KIAA0319L: variants seen among roughly 807,000 people sequenced by gnomAD.
The protein encoded by KIAA0319L is dyslexia-associated protein KIAA0319-like protein.
In KIAA0319L, 55 loss-of-function variants were observed where a neutral mutation model predicts 120.1. That is an observed-to-expected ratio of 0.46 (90% CI 0.37 to 0.57). KIAA0319L has a LOEUF of 0.57. Ranked by LOEUF, KIAA0319L falls within the 20% of genes least tolerant of loss-of-function variation. The pLI, the probability that KIAA0319L is intolerant of heterozygous loss-of-function variation, is 0.00. For missense variants in KIAA0319L, 1,049 were observed against 1,255.3 expected, an observed-to-expected ratio of 0.84 and a Z score of 2.48; for synonymous variants, 398 against 471.9, an observed-to-expected ratio of 0.84 and a Z score of 2.03.
intron 6 of KIAA0319L, 117 bp from the exon 7 acceptor site, chr1:35,466,812 C>A: frequency 1.3e-6 from 1 of 745,658 alleles, no homozygotes; most frequent in Non-Finnish European, 2.2e-6. Context: ...CCCCTATTTC[C>A]AAAATGGAAA....
chr1:35,435,016 C>T lies in KIAA0319L; in HGVS notation c.3028G>A (p.Asp1010Asn), dbSNP rs750623856. 4.3e-6 allele frequency: 7 copies of T among 1,614,196 alleles called. No homozygotes were observed. The highest frequency in any genetic ancestry group is 1.1e-5 in the South Asian group (1 of 91,080). ...LMHSESELDSDDAIFTWPDRE... is the reference protein window; with the variant it reads ...LMHSESELDSNDAIFTWPDRE... The stretch of plus-strand genomic sequence containing the variant: ...TCTGGCCATGTAAAGATGGCATCAT[C>T]GCTGTCCAGCTCTGACTCGGAGTGC... Residue 1010 changes from aspartate (D) to asparagine (N), a missense_variant, in exon 21 of 21, where the codon GAT (aspartate) becomes AAT (asparagine). Transcript: ENST00000325722.
chr1:35,535,689 G>A (rs531032474), intron 2 of KIAA0319L, among the ~76,000 whole-genome samples: 48 of 152,218 alleles, frequency 3.2e-4, no homozygotes, highest in Admixed American at 2.4e-3. Flanking sequence ...TGTTGTTGTT[G>A]TTATACTTCA....
chr1:35,517,417 C>T (rs374414845), intron 2 of KIAA0319L, among the ~76,000 whole-genome samples: 2 of 152,190 alleles, frequency 1.3e-5, no homozygotes, highest in Middle Eastern at 3.4e-3. Flanking sequence ...CACACACCTA[C>T]GAACATCTGA....
chr1:35,536,462 C>T (rs1337483049), intron 2 of KIAA0319L, among the ~76,000 whole-genome samples: 1 of 152,200 alleles, frequency 6.6e-6, no homozygotes, highest in African/African-American at 2.4e-5. Context: ...CTTCCCAGTT[C>T]ACCTAGGCAA....
intron 2 of KIAA0319L, among the ~76,000 whole-genome samples, chr1:35,528,815 AT>A (rs1180611355): frequency 6.6e-6 from 1 of 152,110 alleles, no homozygotes; most frequent in Non-Finnish European, 1.5e-5. Context: ...GAATTGTTAT[AT>A]CCTATTGCTG....
chr1:35,533,866 G>A (rs1339758878), intron 2 of KIAA0319L, among the ~76,000 whole-genome samples: 1 of 152,134 alleles, frequency 6.6e-6, no homozygotes, highest in Admixed American at 6.5e-5. Context: ...CAGCATGTCT[G>A]TCACCTGCAC....
At chr1:35,442,792 A>T (rs1641322035) in intron 18 of KIAA0319L, 114 bp downstream of exon 18, 2 of 1,296,998 alleles carry the variant, frequency 1.5e-6, no homozygotes, top group Non-Finnish European at 2.2e-6. Context: ...GAAAATACAC[A>T]AAGTTCTTCT....
At chr1:35,522,494 G>A (rs1215801486) in intron 2 of KIAA0319L, among the ~76,000 whole-genome samples, 1 of 151,916 alleles carries the variant, frequency 6.6e-6, no homozygotes, top group African/African-American at 2.4e-5. Flanking sequence ...TGGTCAGGCT[G>A]GTCTCGAACT....
chr1:35,510,614 A>ATTTATTTATTTATTTT (rs1645396620), intron 2 of KIAA0319L: 2 of 151,266 alleles, frequency 1.3e-5, no homozygotes, highest in South Asian at 4.2e-4. Context: ...TTATTTATTT[A>ATTTATTTATTTATTTT]TTTATTTATT....
chr1:35,497,971 A>G (rs559271208), intron 3 of KIAA0319L, among the ~76,000 whole-genome samples: 1 of 152,236 alleles, frequency 6.6e-6, no homozygotes, highest in Non-Finnish European at 1.5e-5. Context: ...ATCATTTTCA[A>G]AAATTTATGT....
intron 2 of KIAA0319L, among the ~76,000 whole-genome samples, chr1:35,549,856 A>G (rs1647133362): frequency 6.6e-6 from 1 of 152,226 alleles, no homozygotes; most frequent in Non-Finnish European, 1.5e-5. Context: ...TTCAGTCAAC[A>G]AATATTTTAT....
chr1:35,471,095 T>TATAC, intron 5 of KIAA0319L, 135 bp from the exon 6 acceptor site: 1 of 637,838 alleles, frequency 1.6e-6, no homozygotes, highest in Non-Finnish European at 2.8e-6. Flanking sequence ...CCAAAGCCTG[T>TATAC]AGGGAAACCA....
rs1641307927 is a variant in KIAA0319L at position 35,442,621 on chromosome 1, G to A, written c.2779+285C>T. On this transcript the variant is annotated intron_variant, in intron 18 of 20. Transcript: ENST00000325722. ...GAGGGCTTCCATTAGGCTACAGCAC[G>A]GAGGCACTCCAAAAGACAGGAGGCT... 2.6e-5 allele frequency among the ~76,000 whole-genome samples: 4 copies of A among 152,216 alleles called. No individual in the cohort carries two copies. The South Asian group carries it at 6.2e-4, about 24-fold the overall frequency.
At chr1:35,479,947 C>CA (rs71062878) in intron 3 of KIAA0319L, among the ~76,000 whole-genome samples, 17,449 of 32,202 alleles carry the variant, frequency 0.54, 5,237 homozygotes, top group Non-Finnish European at 0.71. Flanking sequence ...TATGATGAGC[C>CA]AAAAAAAAAA....
At chr1:35,472,000 G>A (rs12038920) in intron 5 of KIAA0319L, among the ~76,000 whole-genome samples, 4,072 of 152,228 alleles carry the variant, frequency 0.027, 222 homozygotes, top group East Asian at 0.25. Flanking sequence ...GTTATGTTAC[G>A]AGAGGAGACG....
chr1:35,486,317 AAGG>A (rs1487005213), intron 3 of KIAA0319L, among the ~76,000 whole-genome samples: 5 of 150,372 alleles, frequency 3.3e-5, no homozygotes, highest in Non-Finnish European at 7.4e-5. Flanking sequence ...CAGGGAAGTC[AAGG>A]CTGCAGTGAG....
chr1:35,479,908 GAA>G (rs754129720), intron 3 of KIAA0319L, among the ~76,000 whole-genome samples: 1 of 8,156 alleles, frequency 1.2e-4, no homozygotes, highest in Non-Finnish European at 4.6e-4. Context: ...GTCTCAAAAA[GAA>G]AAAAAAAAAG....
intron 2 of KIAA0319L, among the ~76,000 whole-genome samples, chr1:35,536,102 G>A (rs187601061): frequency 1.5e-3 from 221 of 152,316 alleles, no homozygotes; most frequent in Middle Eastern, 3.4e-3. Context: ...GAAGAGGCAA[G>A]AGAGAAAAGT....
chr1:35,503,329 G>T (rs1211406268), intron 3 of KIAA0319L, among the ~76,000 whole-genome samples: 1 of 152,140 alleles, frequency 6.6e-6, no homozygotes, highest in Non-Finnish European at 1.5e-5. Flanking sequence ...ACTGTACTCT[G>T]TGCTCAGTAT....
Sources: allele counts gnomAD v4.1 joint callset (sites outside exome capture counted in the v4.1 genomes callset), GRCh38; gene constraint gnomAD v4.1.1; transcripts MANE v1.5; gene names NCBI Gene and HGNC (gene_info 2026-07-23, HGNC 2026-07-21).